Variants in ULK1 observed in about 807,000 individuals in gnomAD.
The protein encoded by ULK1 is serine/threonine-protein kinase ULK1.
Under a neutral mutation model 117.5 loss-of-function variants are expected in ULK1, and 48 were observed. The observed-to-expected ratio is 0.41, with a 90% CI of 0.32 to 0.52. The LOEUF is 0.52. Among genes scored for constraint, ULK1 ranks in the 20% least tolerant of loss-of-function variants. The pLI is 0.29. For synonymous variants in ULK1, 790 were observed against 637.8 expected (o/e 1.24, Z -3.60); for missense variants, 1,387 against 1,473.4 (o/e 0.94, Z 0.96).
In ULK1 at chr12:131,895,129, G is replaced by A; in HGVS notation, c.111+17G>A. The A allele has an allele frequency of 2.0e-6, 3 of 1,505,768 alleles. No homozygotes were observed. The highest frequency in any genetic ancestry group is 2.6e-6 in the Non-Finnish European group (3 of 1,132,472). The allele number at this position is 1,505,768 out of a possible 1,614,324, so 93.3% of individuals were successfully genotyped here. On this transcript the variant is annotated intron_variant, in intron 1 of 27. Transcript: ENST00000321867. ...CACCGCGAGGTGAGGCCCCCGTCCG[G>A]CCCGGGATCCCCCGCCCAGGATCCC...
At chr12:131,918,322 T>G in intron 22 of ULK1, 175 bp from the exon 23 acceptor site, 1 of 764,170 alleles carries the variant, frequency 1.3e-6, no homozygotes, top group South Asian at 1.9e-5. Flanking sequence ...GGCAAGAGGT[T>G]GAGGAGTGGC....
chr12:131,917,417 C>T lies in ULK1; in HGVS notation c.2189C>T (p.Ser730Leu). The T allele has an allele frequency of 6.6e-7, 1 of 1,524,478 alleles. No homozygotes were observed. Among genetic ancestry groups the T allele is most frequent in the Non-Finnish European group, 8.8e-7 (1 of 1,138,026 alleles). 94.4% of individuals were successfully genotyped at this position (1,524,478 alleles called of 1,614,324 possible). A position where few individuals can be genotyped will look rare whatever the true frequency, so the allele number is the denominator to read the frequency against. ...CCCTTCCTTGCTCTCCCAGCACCCT[C>T]AGCTGGCTTTGGAGGGAGCCTGCAC... ...LQEKPMEIAP[S>L]AGFGGSLHPG... The change falls in exon 22 of 28, where the codon TCA becomes TTA. Residue 730 changes from serine (S) to leucine (L), a missense_variant. Physicochemically the swap from Ser to Leu is moderately radical, Grantham distance 145. This residue lies in a region of ULK1 where 900 missense variants were observed against 858.9 expected (regional missense o/e 1.05). Transcript: ENST00000321867.
intron 26 of ULK1, 154 bp from the exon 27 acceptor site, chr12:131,920,946 T>G: frequency 9.1e-7 from 1 of 1,099,502 alleles, no homozygotes; most frequent in Non-Finnish European, 1.3e-6. Flanking sequence ...GACCATCCCC[T>G]CTGCACAGCA....
rs777578748 is a variant in ULK1 at position 131,895,124 on chromosome 12, G to A, written c.111+12G>A. On this transcript the variant is annotated intron_variant, in intron 1 of 27. Coordinates refer to ENST00000321867, the MANE Select transcript of ULK1 (RefSeq NM_003565.4). ...GCCGCCACCGCGAGGTGAGGCCCCC[G>A]TCCGGCCCGGGATCCCCCGCCCAGG... 6.6e-7 allele frequency: 1 copy of A among 1,512,806 alleles called. No homozygotes were observed. Among genetic ancestry groups the A allele is most frequent in the East Asian group, 2.5e-5 (1 of 39,654 alleles). The allele number at this position is 1,512,806 out of a possible 1,614,324, so 93.7% of individuals were successfully genotyped here.
intron 5 of ULK1, among the ~76,000 whole-genome samples, chr12:131,908,154 G>A (rs967091739): frequency 5.3e-5 from 8 of 152,152 alleles, no homozygotes; most frequent in Non-Finnish European, 4.4e-5. Context: ...GCGCTGGGGC[G>A]GGAGTGCGGG....
intron 12 of ULK1, among the ~76,000 whole-genome samples, chr12:131,911,619 G>A (rs1889539975): frequency 6.6e-6 from 1 of 152,200 alleles, no homozygotes; most frequent in African/African-American, 2.4e-5. Context: ...GAAAAGTGAG[G>A]TGCAGAGGGC....
At chr12:131,914,643 TAG>T (rs1258118100) in intron 16 of ULK1, among the ~76,000 whole-genome samples, 166 bp downstream of exon 16, 7 of 152,274 alleles carry the variant, frequency 4.6e-5, no homozygotes, top group Non-Finnish European at 1.0e-4. Flanking sequence ...CTTGGGTTTC[TAG>T]AGTTATTTTG....
At chr12:131,906,298 T>C (rs571635944) in intron 3 of ULK1, among the ~76,000 whole-genome samples, 7 of 151,876 alleles carry the variant, frequency 4.6e-5, no homozygotes, top group Non-Finnish European at 8.8e-5. Context: ...ACCATGTTGG[T>C]CAGGCTGGTC....
chr12:131,914,060 C>G (rs1889663686), intron 15 of ULK1, among the ~76,000 whole-genome samples: 1 of 67,286 alleles, frequency 1.5e-5, no homozygotes, highest in Admixed American at 1.5e-4. Context: ...ACCAGGGACG[C>G]CAGGGCCAGC....
chr12:131,916,839 G>A (rs910342678), intron 20 of ULK1, 114 bp from the exon 21 acceptor site: 100 of 1,073,442 alleles, frequency 9.3e-5, no homozygotes, highest in African/African-American at 1.3e-4. Flanking sequence ...CCTGCCTCTC[G>A]AGGTGGGCCA....
At chr12:131,911,895 G>T (rs745448966) in intron 12 of ULK1, 47 bp from the exon 13 acceptor site, 1 of 1,612,420 alleles carries the variant, frequency 6.2e-7, no homozygotes, top group Non-Finnish European at 8.5e-7. Flanking sequence ...TCCCCTGAGT[G>T]TGTAGGTCCC....
In ULK1 at chr12:131,909,255, T is replaced by C; in HGVS notation, c.666+18T>C. ...CCTTCCAGGTAACTGGGCTTGGCCC[T>C]GCTCCCCACGCCGCACCGTCAGTGC... On this transcript the variant is annotated intron_variant, in intron 8 of 27. Transcript: ENST00000321867. 6.4e-7 allele frequency: 1 copy of C among 1,561,328 alleles called. No individual in the cohort carries two copies. Among genetic ancestry groups the C allele is most frequent in the Non-Finnish European group, 8.7e-7 (1 of 1,153,600 alleles).
intron 25 of ULK1, 155 bp from the exon 26 acceptor site, chr12:131,919,824 G>A: frequency 8.3e-7 from 1 of 1,202,744 alleles, no homozygotes; most frequent in Non-Finnish European, 1.1e-6. Flanking sequence ...CCGGGACAAG[G>A]TGCGGAGCCT....
chr12:131,901,938 C>T (rs941829467), intron 3 of ULK1, among the ~76,000 whole-genome samples: 3 of 152,130 alleles, frequency 2.0e-5, no homozygotes, highest in East Asian at 1.9e-4. Flanking sequence ...CAAGCAAGGT[C>T]GTGCCCTCAG....
At chr12:131,913,974 G>T in intron 15 of ULK1, 138 bp downstream of exon 15, 1 of 775,796 alleles carries the variant, frequency 1.3e-6, no homozygotes. Context: ...CTCGCAGGAT[G>T]GGGTCTGCTG....
chr12:131,901,801 G>C (rs1436787011), intron 3 of ULK1, among the ~76,000 whole-genome samples: 1 of 152,040 alleles, frequency 6.6e-6, no homozygotes, highest in African/African-American at 2.4e-5. Flanking sequence ...GTTTTTACTG[G>C]GGTGTGCGCC....
In ULK1 at chr12:131,918,619, G is replaced by A; in HGVS notation, c.2449G>A (p.Ala817Thr). Residue 817 changes from alanine to threonine, a missense_variant, in exon 23 of 28, where the codon GCG becomes ACG. Physicochemically the swap from Ala to Thr is moderately conservative, Grantham distance 58. Around this residue, in one of 4 missense-constraint regions of ULK1, gnomAD observed 900 missense variants for 858.9 expected, o/e 1.05. Coordinates refer to ENST00000321867, the MANE Select transcript of ULK1 (RefSeq NM_003565.4). Reference sequence around the variant, plus strand: ...CTGCAGCTTTGCCGACCCCATTACTGCGAACCTGGAGGGGGCTGTGACCTT... The same window carrying A: ...CTGCAGCTTTGCCGACCCCATTACTACGAACCTGGAGGGGGCTGTGACCTT... ...HGCSFADPITANLEGAVTFEA... is the reference protein window; with the variant it reads ...HGCSFADPITTNLEGAVTFEA... The A allele has an allele frequency of 1.2e-6, 2 of 1,610,336 alleles. No homozygotes were observed. Among genetic ancestry groups the A allele is most frequent in the Non-Finnish European group, 1.7e-6 (2 of 1,178,802 alleles).
At chr12:131,910,171 C>G (rs1045128398) in intron 10 of ULK1, 83 bp from the exon 11 acceptor site, 1 of 1,593,278 alleles carries the variant, frequency 6.3e-7, no homozygotes, top group Non-Finnish European at 8.6e-7. Context: ...CCCAACGCGG[C>G]TGGAGCTCAG....
chr12:131,919,661 C>T, intron 25 of ULK1, 71 bp downstream of exon 25: 2 of 1,532,636 alleles, frequency 1.3e-6, no homozygotes, highest in South Asian at 1.1e-5. Context: ...GCCTGGGTGA[C>T]AGGGTAACAG....
Sources: allele counts gnomAD v4.1 joint callset (sites outside exome capture counted in the v4.1 genomes callset), GRCh38; gene constraint gnomAD v4.1.1; regional missense constraint gnomAD v4.1.1; transcripts MANE v1.5; gene names NCBI Gene and HGNC (gene_info 2026-07-23, HGNC 2026-07-21).